RAP1B: variants seen among roughly 807,000 people sequenced by gnomAD.
RAP1B encodes the protein ras-related protein Rap-1b.
RAP1B carries 1 observed loss-of-function variant against 27.5 expected under a neutral mutation model. That is an observed-to-expected ratio of 0.04 (90% CI 0.01 to 0.17). The LOEUF is 0.17. Ranked by LOEUF, RAP1B falls within the 10% of genes least tolerant of loss-of-function variation. The pLI, the probability that RAP1B is intolerant of heterozygous loss-of-function variation, is 1.00. For synonymous variants in RAP1B, 75 were observed against 73.1 expected (o/e 1.03, Z -0.13); for missense variants, 84 against 214.8 (o/e 0.39, Z 3.81).
intron 1 of RAP1B, among the ~76,000 whole-genome samples, chr12:68,616,078 C>T (rs1178982399): frequency 6.6e-6 from 1 of 151,578 alleles, no homozygotes; most frequent in African/African-American, 2.4e-5. Flanking sequence ...ATTCACCTGC[C>T]TCAGCCTCCC....
At chr12:68,628,509 C>T (rs1274694060) in intron 1 of RAP1B, among the ~76,000 whole-genome samples, 1 of 152,128 alleles carries the variant, frequency 6.6e-6, no homozygotes, top group African/African-American at 2.4e-5. Context: ...CAACAGGAAA[C>T]CTTGTCCAAT....
chr12:68,642,960 C>A, intron 1 of RAP1B: 2 of 839,848 alleles, frequency 2.4e-6, no homozygotes, highest in Non-Finnish European at 4.2e-6. Context: ...GCTACTCAGT[C>A]AGTGGTTTTT....
At chr12:68,618,345 C>T (rs772222455) in intron 1 of RAP1B, among the ~76,000 whole-genome samples, 7 of 152,146 alleles carry the variant, frequency 4.6e-5, no homozygotes, top group Non-Finnish European at 8.8e-5. Context: ...GCCTCGGCCT[C>T]CCAAAGTGCT....
At chr12:68,656,470 A>G in intron 6 of RAP1B, 21 bp downstream of exon 6, 1 of 1,591,938 alleles carries the variant, frequency 6.3e-7, no homozygotes, top group South Asian at 1.1e-5. Flanking sequence ...ATATACTTAA[A>G]ATGGGTCTTC....
At chr12:68,618,823 T>C (rs1039610590) in intron 1 of RAP1B, among the ~76,000 whole-genome samples, 11 of 152,232 alleles carry the variant, frequency 7.2e-5, no homozygotes, top group Non-Finnish European at 1.6e-4. Flanking sequence ...TACACATCTT[T>C]AATATACTGT....
chr12:68,626,774 G>GTT (rs368490116), intron 1 of RAP1B: 64 of 1,065,564 alleles, frequency 6.0e-5, no homozygotes, highest in East Asian at 1.9e-4. Context: ...TTTCCAGGGT[G>GTT]TTTTTTTTTT....
At chr12:68,636,313 C>T (rs958692513) in intron 1 of RAP1B, among the ~76,000 whole-genome samples, 2 of 152,194 alleles carry the variant, frequency 1.3e-5, no homozygotes, top group African/African-American at 2.4e-5. Flanking sequence ...AATCAGGTTA[C>T]AAAGTTATGA....
At chr12:68,647,594 C>T (rs1416662328) in intron 1 of RAP1B, among the ~76,000 whole-genome samples, 1 of 150,242 alleles carries the variant, frequency 6.7e-6, no homozygotes, top group African/African-American at 2.4e-5. Flanking sequence ...TTTTAATTTC[C>T]CCAACCTTGC....
rs1874737698 is a variant in RAP1B, at chr12:68,663,951, GTCAT to G, written c.*4704_*4707del. 1 of 152,102 alleles carries G rather than the reference GTCAT, an allele frequency of 6.6e-6. No individual in the cohort carries two copies. Among genetic ancestry groups the G allele is most frequent in the Admixed American group, 6.5e-5 (1 of 15,272 alleles). The allele number at this position is 152,102 out of a possible 1,614,324, so 9.4% of individuals were successfully genotyped here. On this transcript the variant is annotated 3_prime_UTR_variant, in exon 8 of 8. Coordinates refer to ENST00000250559, the MANE Select transcript of RAP1B (RefSeq NM_001010942.3). ...TGTAATGATTTTAGAAAAGTGAGCT[GTCAT>G]TTTTCATATATATAAATTTTTTTAT...
intron 1 of RAP1B, among the ~76,000 whole-genome samples, chr12:68,643,994 G>A (rs1161839788): frequency 4.6e-5 from 7 of 150,926 alleles, no homozygotes; most frequent in South Asian, 2.1e-4. Context: ...GATTTTTTCC[G>A]TACTCTTGAG....
At chr12:68,659,081 G>A (rs1874446212) in intron 7 of RAP1B, among the ~76,000 whole-genome samples, 199 bp from the exon 8 acceptor site, 1 of 152,156 alleles carries the variant, frequency 6.6e-6, no homozygotes, top group African/African-American at 2.4e-5. Context: ...TTTCAAGAGG[G>A]CAGCAGAATA....
chr12:68,610,954 C>A lies in RAP1B; in HGVS notation c.-116C>A. 1 of 312,732 alleles carries A rather than the reference C, an allele frequency of 3.2e-6. No individual in the cohort carries two copies. 19.4% of individuals were successfully genotyped at this position (312,732 alleles called of 1,614,324 possible). The stretch of plus-strand genomic sequence containing the variant: ...GTGTAAACCAGCCGGAGCGGCGCGG[C>A]AGCGGCAGGACCGCCGTGGCGCCTA... On this transcript the variant is annotated 5_prime_UTR_variant, in exon 1 of 8. Coordinates refer to ENST00000250559, the MANE Select transcript of RAP1B (RefSeq NM_001010942.3).
chr12:68,632,324 G>A (rs966779065), intron 1 of RAP1B, among the ~76,000 whole-genome samples: 1 of 151,892 alleles, frequency 6.6e-6, no homozygotes, highest in Non-Finnish European at 1.5e-5. Flanking sequence ...ATTAGAGACA[G>A]GGTTTTGCCA....
At chr12:68,650,728 C>T in intron 3 of RAP1B, 1 of 212,222 alleles carries the variant, frequency 4.7e-6, no homozygotes, top group East Asian at 1.2e-4. Context: ...AGTAGTAGCC[C>T]CATGTTACTT....
At chr12:68,618,094 T>TTTTTC in intron 1 of RAP1B, among the ~76,000 whole-genome samples, 1 of 120,846 alleles carries the variant, frequency 8.3e-6, no homozygotes, top group Non-Finnish European at 1.6e-5. Context: ...AGCTTTTTTT[T>TTTTTC]TTTTTTTTTT....
intron 1 of RAP1B, among the ~76,000 whole-genome samples, chr12:68,616,439 T>G (rs1476484876): frequency 1.8e-5 from 1 of 54,774 alleles, no homozygotes; most frequent in Non-Finnish European, 3.5e-5. Context: ...GCCTGGCTAA[T>G]TTTTTTTTTT....
intron 1 of RAP1B, among the ~76,000 whole-genome samples, chr12:68,612,037 C>T (rs1304816443): frequency 6.6e-6 from 1 of 152,170 alleles, no homozygotes; most frequent in East Asian, 1.9e-4. Context: ...CATTTTGGCC[C>T]TGTAACTTCT....
chr12:68,612,579 A>C (rs780054485), intron 1 of RAP1B, among the ~76,000 whole-genome samples: 2 of 152,220 alleles, frequency 1.3e-5, no homozygotes, highest in Non-Finnish European at 2.9e-5. Context: ...AAGAAATACA[A>C]CGTTTTTATA....
At chr12:68,616,347 C>T (rs1375213184) in intron 1 of RAP1B, among the ~76,000 whole-genome samples, 1 of 151,578 alleles carries the variant, frequency 6.6e-6, no homozygotes, top group African/African-American at 2.4e-5. Context: ...TGCAGTGGCA[C>T]GATCTCAGTT....
Sources: allele counts gnomAD v4.1 joint callset (sites outside exome capture counted in the v4.1 genomes callset), GRCh38; gene constraint gnomAD v4.1.1; transcripts MANE v1.5; gene names NCBI Gene and HGNC (gene_info 2026-07-23, HGNC 2026-07-21).